The following SUN5 variants were observed in gnomAD, a reference collection of about 807,000 sequenced individuals.
SUN5 encodes the protein Sad1 and UNC84 domain containing 5.
SUN5 carries 44 observed loss-of-function variants against 53.7 expected under a neutral mutation model. The observed-to-expected ratio is 0.82, with a 90% CI of 0.64 to 1.05. The LOEUF is 1.05. SUN5 is among the 50% of genes least tolerant of loss of function. SUN5 has a pLI of 0.00. For synonymous variants in SUN5, 166 were observed against 179.8 expected (o/e 0.92, Z 0.62); for missense variants, 433 against 483.8 (o/e 0.90, Z 0.98).
At chr20:32,995,766 G>A in intron 7 of SUN5, 39 bp from the exon 8 acceptor site, 2 of 1,568,086 alleles carry the variant, frequency 1.3e-6, no homozygotes, top group South Asian at 1.1e-5. Context: ...AGGTTGATTT[G>A]TGATGCGTTG....
In SUN5 at chr20:32,985,797, A is replaced by T. The variant is rs200006020; in HGVS notation, c.836T>A (p.Ile279Asn). The change falls in exon 11 of 13, where the codon ATC becomes AAC. Residue 279 changes from isoleucine to asparagine, a missense_variant. By Grantham distance (149) the Ile-to-Asn change is moderately radical (BLOSUM62 -3). Transcript: ENST00000356173. ...VYLSNLTLQHIPKTISLSGSL... is the reference protein window; with the variant it reads ...VYLSNLTLQHNPKTISLSGSL... ...GCCTGACAATGAGATGGTCTTGGGGATGTGCTGCAGCGTGAGGTTGGACAG... is the reference window on the plus strand; with the variant it reads ...GCCTGACAATGAGATGGTCTTGGGGTTGTGCTGCAGCGTGAGGTTGGACAG... 9 of 1,614,038 alleles carry T rather than the reference A, an allele frequency of 5.6e-6. No individual in the cohort carries two copies. In the Middle Eastern group the frequency reaches 6.6e-4, roughly 118 times the overall value.
rs529275218 is a variant in SUN5 at position 32,994,887 on chromosome 20, TG to T, written c.534+731del. 2.5e-3 allele frequency among the ~76,000 whole-genome samples: 374 copies of T among 150,150 alleles called. 1 individual carries two copies. Among genetic ancestry groups the T allele is most frequent in the Admixed American group, 5.3e-3 (79 of 15,040 alleles). On this transcript the variant is annotated intron_variant, in intron 8 of 12. Coordinates refer to ENST00000356173, the MANE Select transcript of SUN5 (RefSeq NM_080675.4). Reference sequence around the variant, plus strand: ...CATTAAAAAAACAAAAAGAACTAAATGCATGGATTTAATAATAAATTGGAGA... The same window carrying T: ...CATTAAAAAAACAAAAAGAACTAAATCATGGATTTAATAATAAATTGGAGA...
chr20:32,990,630 G>A (rs1600492685), intron 8 of SUN5, among the ~76,000 whole-genome samples: 2 of 152,316 alleles, frequency 1.3e-5, no homozygotes, highest in South Asian at 2.1e-4. Flanking sequence ...AGGAAGCCCA[G>A]GCCACACGGA....
At chr20:32,997,008 G>C (rs1285919567) in intron 6 of SUN5, among the ~76,000 whole-genome samples, 1 of 152,248 alleles carries the variant, frequency 6.6e-6, no homozygotes, top group East Asian at 1.9e-4. Context: ...TGCCAGTACA[G>C]TTGGAGAGAC....
intron 5 of SUN5, among the ~76,000 whole-genome samples, chr20:32,998,688 C>T (rs922765755): frequency 2.0e-5 from 3 of 151,898 alleles, no homozygotes; most frequent in African/African-American, 7.3e-5. Flanking sequence ...TTCTATTTAA[C>T]ATGGTACTGG....
intron 3 of SUN5, among the ~76,000 whole-genome samples, chr20:33,001,639 TTTCC>T (rs1249812305): frequency 1.2e-5 from 1 of 83,072 alleles, no homozygotes; most frequent in African/African-American, 4.7e-5. Flanking sequence ...CTTTCTTTCT[TTTCC>T]TCCCTCCCTC....
chr20:32,995,773 G>C (rs182727147), intron 7 of SUN5, 46 bp from the exon 8 acceptor site: 2 of 1,546,518 alleles, frequency 1.3e-6, no homozygotes, highest in Non-Finnish European at 1.8e-6. Context: ...TTTGTGATGC[G>C]TTGTTGTTAC....
At chr20:33,002,403 C>A (rs1990072900) in intron 3 of SUN5, among the ~76,000 whole-genome samples, 184 bp downstream of exon 3, 2 of 152,126 alleles carry the variant, frequency 1.3e-5, no homozygotes, top group Admixed American at 1.3e-4. Flanking sequence ...CCCTCTCCAG[C>A]CACCAAAGAC....
At chr20:32,987,281 A>G (rs1367264456) in intron 10 of SUN5, among the ~76,000 whole-genome samples, 2 of 152,176 alleles carry the variant, frequency 1.3e-5, no homozygotes, top group Non-Finnish European at 2.9e-5. Context: ...CTTTTCTGCA[A>G]AATGGGTCTA....
rs200759832 is a variant in SUN5 at position 32,985,846 on chromosome 20, T to G, written c.787A>C (p.Ile263Leu). ...AFEGDRGQVT[I>L]QLAQKVYLSN... ...AGGTAAACCTTCTGAGCCAATTGGA[T>G]GGTCACCTGGCCGCGGTCACCCTCA... The change falls in exon 11 of 13, where the codon ATC becomes CTC. Residue 263 changes from isoleucine (I) to leucine (L), a missense_variant. Coordinates refer to ENST00000356173, the MANE Select transcript of SUN5 (RefSeq NM_080675.4). 41 of 1,613,984 alleles carry G rather than the reference T, an allele frequency of 2.5e-5. No individual in the cohort carries two copies. Among genetic ancestry groups the G allele is most frequent in the Non-Finnish European group, 3.1e-5 (36 of 1,179,978 alleles).
intron 6 of SUN5, among the ~76,000 whole-genome samples, 161 bp from the exon 7 acceptor site, chr20:32,996,519 C>G (rs183338682): frequency 6.6e-6 from 1 of 152,308 alleles, no homozygotes; most frequent in Non-Finnish European, 1.5e-5. Flanking sequence ...TCTCCAAACT[C>G]TAATTTACTG....
At chr20:33,002,736 A>C in intron 2 of SUN5, 75 bp from the exon 3 acceptor site, 1 of 1,604,234 alleles carries the variant, frequency 6.2e-7, no homozygotes, top group Non-Finnish European at 8.5e-7. Flanking sequence ...GGGAGCACCC[A>C]GAGCTTGGTG....
chr20:32,989,648 T>C lies in SUN5; in HGVS notation c.585A>G (p.Glu195=). Residue 195 remains glutamate, a synonymous_variant, in exon 9 of 13, where the codon GAA becomes GAG. Coordinates refer to ENST00000356173, the MANE Select transcript of SUN5 (RefSeq NM_080675.4). ...IMKMIHGDYI[E]KPDFALKSIG... ...TAGACTTCAGGGCAAAGTCTGGCTTTTCGATGTAATCTCCGTGTATCATCT... is the reference window on the plus strand; with the variant it reads ...TAGACTTCAGGGCAAAGTCTGGCTTCTCGATGTAATCTCCGTGTATCATCT... 1 of 1,614,066 alleles carries C rather than the reference T, an allele frequency of 6.2e-7. No homozygotes were observed. Among genetic ancestry groups the C allele is most frequent in the Non-Finnish European group, 8.5e-7 (1 of 1,180,012 alleles).
Position 33,002,870 on chromosome 20 carries a change from G to GGGA in SUN5, c.124_126dup (p.Ser42dup), listed in dbSNP as rs1215085007. ...ACCTGTCCTTGCTCACTCATGTTTG[G>GGGA]GGAGGTGTCCTCTGCCATCCTGCTG... On this transcript the variant is annotated inframe_insertion, in exon 2 of 13. Coordinates refer to ENST00000356173, the MANE Select transcript of SUN5 (RefSeq NM_080675.4). The GGGA allele has an allele frequency of 1.2e-6, 2 of 1,614,018 alleles. No individual in the cohort carries two copies. The highest frequency in any genetic ancestry group is 1.7e-6 in the Non-Finnish European group (2 of 1,180,048).
At chr20:32,986,382 A>T (rs550863557) in intron 10 of SUN5, among the ~76,000 whole-genome samples, 11 of 152,172 alleles carry the variant, frequency 7.2e-5, no homozygotes, top group Non-Finnish European at 1.2e-4. Flanking sequence ...GCCATTAAGC[A>T]CCACGATCTC....
Position 33,002,674 on chromosome 20 carries a change from C to T in SUN5, c.137-13G>A, listed in dbSNP as rs754727926. 6.2e-7 allele frequency: 1 copy of T among 1,614,180 alleles called. No individual in the cohort carries two copies. The highest frequency in any genetic ancestry group is 1.1e-5 in the South Asian group (1 of 91,080). The stretch of plus-strand genomic sequence containing the variant: ...AGGATGTTGTCATCTGCAGAGAGCA[C>T]AGGACTGTCATGTCACTGCCAGCCT... On this transcript the variant is annotated splice_polypyrimidine_tract_variant and intron_variant, in intron 2 of 12. Transcript: ENST00000356173.
chr20:32,991,240 G>A (rs1989703903), intron 8 of SUN5, among the ~76,000 whole-genome samples: 1 of 152,176 alleles, frequency 6.6e-6, no homozygotes, highest in Admixed American at 6.5e-5. Flanking sequence ...GTTGATCCCC[G>A]ATCCTGGATC....
intron 10 of SUN5, 144 bp downstream of exon 10, chr20:32,987,516 A>G (rs1400893767): frequency 7.0e-6 from 2 of 287,626 alleles, no homozygotes; most frequent in Non-Finnish European, 1.2e-5. Flanking sequence ...TTGCCCCTGC[A>G]TCTGTCTCCT....
At chr20:32,989,245 C>A (rs221971) in intron 9 of SUN5, among the ~76,000 whole-genome samples, 1 of 152,014 alleles carries the variant, frequency 6.6e-6, no homozygotes, top group Non-Finnish European at 1.5e-5. Context: ...TTCTTGACTG[C>A]GGGTTGGAGA....
Sources: allele counts gnomAD v4.1 joint callset (sites outside exome capture counted in the v4.1 genomes callset), GRCh38; gene constraint gnomAD v4.1.1; transcripts MANE v1.5; gene names NCBI Gene and HGNC (gene_info 2026-07-23, HGNC 2026-07-21).